The following ABI3BP variants were observed in gnomAD, a reference collection of about 807,000 sequenced individuals.
ABI3BP encodes the protein target of Nesh-SH3.
ABI3BP carries 216 observed loss-of-function variants against 268.6 expected under a neutral mutation model. The observed-to-expected ratio is 0.80, with a 90% CI of 0.72 to 0.90. The LOEUF is 0.90. Among genes scored for constraint, ABI3BP ranks in the 40% least tolerant of loss-of-function variants. The pLI, the probability that ABI3BP is intolerant of heterozygous loss-of-function variation, is 0.00. For missense variants in ABI3BP, 2,090 were observed against 2,182.4 expected, an observed-to-expected ratio of 0.96 and a Z score of 0.84; for synonymous variants, 730 against 730.0, an observed-to-expected ratio of 1.00 and a Z score of 0.00.
At chr3:100,861,675 G>A (rs990168886) in intron 14 of ABI3BP, among the ~76,000 whole-genome samples, 3 of 148,512 alleles carry the variant, frequency 2.0e-5, no homozygotes, top group Admixed American at 6.8e-5. Context: ...TTTAATGATG[G>A]AACACAAGAA....
At chr3:100,796,085 C>CT (rs1380427199) in intron 52 of ABI3BP, among the ~76,000 whole-genome samples, 12 of 151,938 alleles carry the variant, frequency 7.9e-5, no homozygotes, top group East Asian at 3.9e-4. Flanking sequence ...TAGGCACCCA[C>CT]TTTTTTTTAC....
At chr3:100,990,049 G>T (rs1160449925) in intron 1 of ABI3BP, among the ~76,000 whole-genome samples, 5 of 152,210 alleles carry the variant, frequency 3.3e-5, no homozygotes, top group Admixed American at 3.3e-4. Flanking sequence ...CATATGGGCA[G>T]ACAATGGTCA....
intron 1 of ABI3BP, among the ~76,000 whole-genome samples, chr3:100,961,401 C>A (rs1371482391): frequency 6.6e-6 from 1 of 152,100 alleles, no homozygotes; most frequent in Admixed American, 6.5e-5. Flanking sequence ...AGGTTGACCG[C>A]AATAAACCCT....
intron 21 of ABI3BP, among the ~76,000 whole-genome samples, chr3:100,841,359 A>G (rs114786316): frequency 0.019 from 2,824 of 151,998 alleles, 43 homozygotes; most frequent in Non-Finnish European, 0.029. Context: ...TAAGAAAAAC[A>G]CCTCCAAAAG....
chr3:100,956,114 G>A (rs556687485), intron 1 of ABI3BP, among the ~76,000 whole-genome samples: 2 of 151,606 alleles, frequency 1.3e-5, no homozygotes, highest in Admixed American at 6.6e-5. Flanking sequence ...GCTTGAACCC[G>A]GGAAGTGGAG....
chr3:100,797,314 A>G (rs931685828), intron 51 of ABI3BP, among the ~76,000 whole-genome samples: 2 of 152,114 alleles, frequency 1.3e-5, no homozygotes, highest in African/African-American at 4.8e-5. Flanking sequence ...TGATTTGTCT[A>G]TTTGTTAGTA....
chr3:100,777,658 A>G (rs541015680), intron 59 of ABI3BP, among the ~76,000 whole-genome samples: 31 of 152,298 alleles, frequency 2.0e-4, no homozygotes, highest in African/African-American at 6.3e-4. Flanking sequence ...GTTTTTAAAG[A>G]AAAGGATGAA....
At chr3:100,964,857 T>C (rs1361889233) in intron 1 of ABI3BP, among the ~76,000 whole-genome samples, 1 of 152,268 alleles carries the variant, frequency 6.6e-6, no homozygotes, top group South Asian at 2.1e-4. Flanking sequence ...TTCTGGCTTC[T>C]GCCCTCACTG....
rs754615488 is a variant in ABI3BP at position 100,808,151 on chromosome 3, A to G, written c.3682+10T>C. 1.6e-5 allele frequency: 25 copies of G among 1,608,756 alleles called. No individual in the cohort carries two copies. The South Asian group carries it at 2.8e-4, about 18-fold the overall frequency. On this transcript the variant is annotated intron_variant, in intron 50 of 67. Coordinates refer to ENST00000471714, the MANE Select transcript of ABI3BP (RefSeq NM_001375547.2). ...AACTTTTCAAGCTAAAATGTAAAAT[A>G]TATATTTACCTGGTTGTGTTTGTGG...
chr3:100,840,625 G>A (rs1379788665), intron 22 of ABI3BP, among the ~76,000 whole-genome samples, 195 bp downstream of exon 22: 1 of 152,076 alleles, frequency 6.6e-6, no homozygotes, highest in African/African-American at 2.4e-5. Flanking sequence ...TGTCAGGACA[G>A]GCAACTTTTA....
chr3:100,843,956 C>G (rs2098738640), intron 20 of ABI3BP: 2 of 985,170 alleles, frequency 2.0e-6, no homozygotes, highest in African/African-American at 3.5e-5. Flanking sequence ...GAGTTCCTGG[C>G]TGAGTTTGAG....
intron 43 of ABI3BP, 26 bp from the exon 44 acceptor site, chr3:100,815,997 C>G: frequency 2.7e-6 from 4 of 1,468,356 alleles, no homozygotes; most frequent in Non-Finnish European, 3.6e-6. Flanking sequence ...AACATGAATA[C>G]AAGAAAGCTT....
At position 100,822,588 on chromosome 3, in the gene ABI3BP, C is replaced by G; in HGVS notation, c.2887+1G>C. ...CTTTAAACCAGGAACACATAGTTTACCTGGTTTGGATTCAGGTGCTTCAGG... is the reference window on the plus strand; with the variant it reads ...CTTTAAACCAGGAACACATAGTTTAGCTGGTTTGGATTCAGGTGCTTCAGG... On this transcript the variant is annotated splice_donor_variant, in intron 38 of 67. Coordinates refer to ENST00000471714, the MANE Select transcript of ABI3BP (RefSeq NM_001375547.2). LOFTEE classifies it high-confidence loss of function. 6.5e-7 allele frequency: 1 copy of G among 1,536,146 alleles called. No homozygotes were observed. Among genetic ancestry groups the G allele is most frequent in the Non-Finnish European group, 8.7e-7 (1 of 1,146,654 alleles).
chr3:100,799,860 C>A (rs1404370753), intron 51 of ABI3BP, among the ~76,000 whole-genome samples: 1 of 152,156 alleles, frequency 6.6e-6, no homozygotes, highest in Admixed American at 6.5e-5. Context: ...TGCCCCAAAT[C>A]CTGACTTCTG....
intron 14 of ABI3BP, among the ~76,000 whole-genome samples, chr3:100,855,963 TC>T (rs2098935150): frequency 6.6e-6 from 1 of 152,250 alleles, no homozygotes; most frequent in African/African-American, 2.4e-5. Context: ...ATTAAAATGT[TC>T]ATGAAATAAA....
chr3:100,904,844 T>A (rs909776636), intron 2 of ABI3BP, among the ~76,000 whole-genome samples: 1 of 152,196 alleles, frequency 6.6e-6, no homozygotes, highest in African/African-American at 2.4e-5. Context: ...ATTATGGAAG[T>A]CAGTCTGGTG....
chr3:100,897,475 A>G (rs2048261088), intron 4 of ABI3BP, among the ~76,000 whole-genome samples: 1 of 152,170 alleles, frequency 6.6e-6, no homozygotes, highest in African/African-American at 2.4e-5. Flanking sequence ...ATAGACTATC[A>G]CTCAGGAGTA....
chr3:100,931,329 C>A (rs2063550623), intron 1 of ABI3BP, among the ~76,000 whole-genome samples: 1 of 151,938 alleles, frequency 6.6e-6, no homozygotes, highest in Non-Finnish European at 1.5e-5. Flanking sequence ...CAACATAGTA[C>A]TGGAAGTCTT....
At chr3:100,815,452 C>T (rs778383965) in intron 44 of ABI3BP, among the ~76,000 whole-genome samples, 1 of 152,040 alleles carries the variant, frequency 6.6e-6, no homozygotes, top group African/African-American at 2.4e-5. Flanking sequence ...ATTGAGGAGC[C>T]TGGAACTTTC....
Sources: allele counts gnomAD v4.1 joint callset (sites outside exome capture counted in the v4.1 genomes callset), GRCh38; gene constraint gnomAD v4.1.1; transcripts MANE v1.5; gene names NCBI Gene and HGNC (gene_info 2026-07-23, HGNC 2026-07-21).